C1QTNF3: variants seen among roughly 807,000 people sequenced by gnomAD.
The protein encoded by C1QTNF3 is C1q and TNF related 3, also known as complement C1q tumor necrosis factor-related protein 3.
C1QTNF3 carries 26 observed loss-of-function variants against 32.6 expected under a neutral mutation model. The observed-to-expected ratio is 0.80, with a 90% confidence interval of 0.58 to 1.11. The LOEUF is 1.11. Ranked by LOEUF, C1QTNF3 falls within the 50% of genes least tolerant of loss-of-function variation. The pLI is 0.00. For missense variants in C1QTNF3, 362 were observed against 398.2 expected, an observed-to-expected ratio of 0.91 and a Z score of 0.77; for synonymous variants, 155 against 146.0, an observed-to-expected ratio of 1.06 and a Z score of -0.44.
chr5:34,075,033 A>C, the C1QTNF3 span, among the ~76,000 whole-genome samples: 1 of 151,808 alleles, frequency 6.6e-6, no homozygotes, highest in Non-Finnish European at 1.5e-5. Context: ...AAAGGTTTCA[A>C]ATTTCAAAAT....
At chr5:34,164,325 T>C in the C1QTNF3 span, among the ~76,000 whole-genome samples, 1 of 152,292 alleles carries the variant, frequency 6.6e-6, no homozygotes, top group African/African-American at 2.4e-5. Context: ...TAGACAATAA[T>C]GTGGCTCTTC....
rs529114954 is a variant in C1QTNF3 at position 34,020,353 on chromosome 5, A to C, written c.*230T>G. 2.3e-5 allele frequency: 10 copies of C among 428,300 alleles called. No homozygotes were observed. The highest frequency in any genetic ancestry group is 4.1e-5 in the Non-Finnish European group (10 of 242,184). The allele number at this position is 428,300 out of a possible 1,614,324, so 26.5% of individuals were successfully genotyped here. A position where few individuals can be genotyped will look rare whatever the true frequency, so the allele number is the denominator to read the frequency against. On this transcript the variant is annotated 3_prime_UTR_variant, in exon 6 of 6. Transcript: ENST00000382065. ...TTAGGTGCCAAGGAAAGAGTGATAA[A>C]GATGCTGAGTATATTAGTCAAGGTC...
chr5:34,217,729 A>G, the C1QTNF3 span, among the ~76,000 whole-genome samples: 1 of 152,090 alleles, frequency 6.6e-6, no homozygotes, highest in African/African-American at 2.4e-5. Context: ...GTTAAAAGCA[A>G]TCTCTCATGA....
the C1QTNF3 span, among the ~76,000 whole-genome samples, chr5:34,210,029 T>C: frequency 6.6e-6 from 1 of 152,070 alleles, no homozygotes; most frequent in Non-Finnish European, 1.5e-5. Flanking sequence ...AAACTACCAA[T>C]GATACAATAT....
the C1QTNF3 span, among the ~76,000 whole-genome samples, chr5:34,091,336 G>A: frequency 1.3e-5 from 2 of 152,350 alleles, no homozygotes; most frequent in Admixed American, 6.5e-5. Context: ...AACATTCTTC[G>A]CCTCTTTATG....
the C1QTNF3 span, among the ~76,000 whole-genome samples, chr5:34,078,119 A>G: frequency 2.0e-5 from 3 of 151,604 alleles, no homozygotes; most frequent in East Asian, 1.9e-4. The surrounding 1 kb of genome is among the most constrained non-coding windows in gnomAD (Gnocchi z 4.0). Flanking sequence ...TGCTTACCCA[A>G]TGTGCCCTGG....
the C1QTNF3 span, among the ~76,000 whole-genome samples, chr5:34,221,485 G>A: frequency 1.3e-5 from 2 of 152,028 alleles, no homozygotes; most frequent in African/African-American, 2.4e-5. Context: ...AAGCCATAAC[G>A]AGTGACACAT....
the C1QTNF3 span, among the ~76,000 whole-genome samples, chr5:34,051,238 C>A: frequency 6.6e-6 from 1 of 152,176 alleles, no homozygotes; most frequent in Non-Finnish European, 1.5e-5. Context: ...TTGTGAGCCA[C>A]CAAATTACCT....
chr5:34,099,365 G>C, the C1QTNF3 span, among the ~76,000 whole-genome samples: 1 of 152,038 alleles, frequency 6.6e-6, no homozygotes, highest in African/African-American at 2.4e-5. Flanking sequence ...CTGAGATGAC[G>C]GAATGACTTT....
chr5:34,100,939 A>G, the C1QTNF3 span, among the ~76,000 whole-genome samples: 1 of 152,030 alleles, frequency 6.6e-6, no homozygotes, highest in Admixed American at 6.6e-5. Flanking sequence ...ACACTTTAAA[A>G]GATATAGGCT....
chr5:34,178,108 A>G, the C1QTNF3 span, among the ~76,000 whole-genome samples: 4 of 140,360 alleles, frequency 2.8e-5, no homozygotes, highest in Non-Finnish European at 6.2e-5. Context: ...CTCTACTAAA[A>G]AAAAAAAAAA....
At chr5:34,105,099 A>G in the C1QTNF3 span, among the ~76,000 whole-genome samples, 34 of 151,000 alleles carry the variant, frequency 2.3e-4, no homozygotes, top group African/African-American at 6.7e-4. Context: ...GTTCTTCCTT[A>G]TAAGTTTTCC....
intron 4 of C1QTNF3, among the ~76,000 whole-genome samples, chr5:34,027,823 C>T (rs1164158127): frequency 6.8e-6 from 1 of 147,656 alleles, no homozygotes; most frequent in Non-Finnish European, 1.5e-5. Flanking sequence ...GTACATTCAG[C>T]TACAAGAAAG....
chr5:34,242,211 A>C, the C1QTNF3 span, among the ~76,000 whole-genome samples: 1 of 152,174 alleles, frequency 6.6e-6, no homozygotes, highest in Non-Finnish European at 1.5e-5. Context: ...TGGCCAAAGC[A>C]ATTCTGAGCA....
chr5:34,087,542 C>T, the C1QTNF3 span, among the ~76,000 whole-genome samples: 1 of 146,966 alleles, frequency 6.8e-6, no homozygotes, highest in Non-Finnish European at 1.5e-5. Context: ...CAAGCAATGG[C>T]TAAGCATTTC....
At chr5:34,135,601 T>C in the C1QTNF3 span, among the ~76,000 whole-genome samples, 4 of 151,652 alleles carry the variant, frequency 2.6e-5, no homozygotes, top group East Asian at 1.9e-4. Context: ...CTTCACAGGA[T>C]TGGAAAAAAC....
chr5:34,175,218 A>G, the C1QTNF3 span, among the ~76,000 whole-genome samples: 1 of 151,354 alleles, frequency 6.6e-6, no homozygotes, highest in Non-Finnish European at 1.5e-5. Context: ...TAATCTGTTT[A>G]GTTTTTGTAG....
the C1QTNF3 span, among the ~76,000 whole-genome samples, chr5:34,178,455 G>C: frequency 3.3e-5 from 5 of 151,752 alleles, no homozygotes; most frequent in Admixed American, 3.3e-4. Flanking sequence ...TTCCCTGTGT[G>C]TCAACTCCAA....
At chr5:34,063,326 CTCTCTCTG>C in the C1QTNF3 span, among the ~76,000 whole-genome samples, 74 of 151,306 alleles carry the variant, frequency 4.9e-4, no homozygotes, top group African/African-American at 1.7e-3. Flanking sequence ...TCTCCCTTTT[CTCTCTCTG>C]TCTCTCTTTC....
Sources: gnomAD v4.1 joint callset for allele counts (sites outside exome capture counted in the v4.1 genomes callset) on GRCh38, gnomAD v4.1.1 for gene constraint, Gnocchi (gnomAD v3.1) non-coding constraint, MANE v1.5 for transcripts, NCBI Gene and HGNC (gene_info 2026-07-23, HGNC 2026-07-21) for gene names.